TACC1: variants seen among roughly 807,000 people sequenced by gnomAD.
TACC1 encodes transforming acidic coiled-coil containing protein 1.
TACC1 carries 48 observed loss-of-function variants against 84.4 expected under a neutral mutation model. That is an observed-to-expected ratio of 0.57 (90% CI 0.45 to 0.72). TACC1 has a LOEUF of 0.72. Ranked by LOEUF, TACC1 falls within the 30% of genes least tolerant of loss-of-function variation. TACC1 has a pLI of 0.00. For synonymous variants in TACC1, 372 were observed against 376.3 expected (o/e 0.99, Z 0.13); for missense variants, 920 against 973.0 (o/e 0.95, Z 0.72).
At chr8:38,777,042 G>A (rs1324010981) in intron 3 of TACC1, among the ~76,000 whole-genome samples, 1 of 152,104 alleles carries the variant, frequency 6.6e-6, no homozygotes, top group Non-Finnish European at 1.5e-5. Flanking sequence ...GACCACCTGA[G>A]GTCAGGAGTT....
At chr8:38,800,463 G>T (rs1374990305) in intron 2 of TACC1, among the ~76,000 whole-genome samples, 1 of 152,104 alleles carries the variant, frequency 6.6e-6, no homozygotes, top group Non-Finnish European at 1.5e-5. Context: ...TCTAGTTTGT[G>T]TCTCAATAGA....
intron 3 of TACC1, among the ~76,000 whole-genome samples, chr8:38,756,888 A>G (rs1810146520): frequency 6.6e-6 from 1 of 152,176 alleles, no homozygotes; most frequent in Admixed American, 6.5e-5. Flanking sequence ...TTCTCTGAAC[A>G]GCAGCTCCCG....
At chr8:38,731,403 CAG>C (rs1427102422) in intron 1 of TACC1, among the ~76,000 whole-genome samples, 1 of 152,194 alleles carries the variant, frequency 6.6e-6, no homozygotes, top group Non-Finnish European at 1.5e-5. Flanking sequence ...ATGATAATAA[CAG>C]TACCTATTTC....
At chr8:38,788,531 G>A in intron 1 of TACC1, 173 bp from the exon 2 acceptor site, 3 of 535,922 alleles carry the variant, frequency 5.6e-6, no homozygotes, top group Non-Finnish European at 1.0e-5. Flanking sequence ...AACCCAAGGA[G>A]GGCACTGCTC....
At position 38,849,523 on chromosome 8, in the gene TACC1, T is replaced by C. The variant is rs1371280294; in HGVS notation, c.*1500T>C. On this transcript the variant is annotated 3_prime_UTR_variant, in exon 13 of 13. Transcript: ENST00000317827. ...TACGTATGTTTTCCTACTTCTCTTG[T>C]AAAACTGTTGCATGATCCAACTTCA... The C allele has an allele frequency of 2.6e-5, 4 of 152,246 alleles. No individual in the cohort carries two copies. The highest frequency in any genetic ancestry group is 9.6e-5 in the African/African-American group (4 of 41,472). 9.4% of individuals were successfully genotyped at this position (152,246 alleles called of 1,614,324 possible). A position where few individuals can be genotyped will look rare whatever the true frequency, so the allele number is the denominator to read the frequency against.
At chr8:38,776,294 T>C (rs1231301943) in intron 3 of TACC1, among the ~76,000 whole-genome samples, 1 of 152,202 alleles carries the variant, frequency 6.6e-6, no homozygotes, top group East Asian at 1.9e-4. Flanking sequence ...CTCAAGTCAT[T>C]ACGGCAGAAG....
At chr8:38,830,939 T>G (rs1326701813) in intron 5 of TACC1, among the ~76,000 whole-genome samples, 186 bp from the exon 6 acceptor site, 4 of 152,226 alleles carry the variant, frequency 2.6e-5, no homozygotes, top group South Asian at 4.1e-4. Flanking sequence ...GTGCTCCTCT[T>G]CTGAATGTCA....
chr8:38,805,686 G>C (rs996942886), intron 2 of TACC1: 6 of 152,246 alleles, frequency 3.9e-5, no homozygotes, highest in South Asian at 2.1e-4. Flanking sequence ...TGGTTGGTTG[G>C]TTGGTTGGTT....
At chr8:38,742,486 A>G in intron 2 of TACC1, 1 of 1,475,710 alleles carries the variant, frequency 6.8e-7, no homozygotes, top group Non-Finnish European at 9.1e-7. Flanking sequence ...TATACCTGGG[A>G]TGGATTTTAA....
chr8:38,842,443 A>G lies in TACC1; in HGVS notation c.2117A>G (p.Lys706Arg), dbSNP rs768834639. The G allele has an allele frequency of 1.2e-6, 2 of 1,605,476 alleles. No individual in the cohort carries two copies. Among genetic ancestry groups the G allele is most frequent in the East Asian group, 2.2e-5 (1 of 44,808 alleles). Residue 706 changes from lysine to arginine, a missense_variant, in exon 10 of 13, where the codon AAG (lysine) becomes AGG (arginine). Lys to Arg is a conservative substitution (Grantham distance 26). Transcript: ENST00000317827. The part of the protein sequence containing the change: ...ENLKGVLEGF[K>R]KNEEALKKCA... ...CTGAAAGGTGTTCTGGAAGGGTTCA[A>G]GAAGGTAGAGTGTTTTTTCCCTCTG...
At chr8:38,812,975 G>A (rs1824571725) in intron 2 of TACC1, among the ~76,000 whole-genome samples, 1 of 152,192 alleles carries the variant, frequency 6.6e-6, no homozygotes, top group South Asian at 2.1e-4. Flanking sequence ...CTGATGGATA[G>A]GGAGCTGGCT....
rs1405554846 is a variant in TACC1, at chr8:38,852,957, A to AATT, written c.*4940_*4942dup. 1 of 152,648 alleles carries AATT rather than the reference A, an allele frequency of 6.6e-6. No individual in the cohort carries two copies. Among genetic ancestry groups the AATT allele is most frequent in the African/African-American group, 2.4e-5 (1 of 41,452 alleles). The allele number at this position is 152,648 out of a possible 1,614,324, so 9.5% of individuals were successfully genotyped here. A position where few individuals can be genotyped will look rare whatever the true frequency, so the allele number is the denominator to read the frequency against. Reference sequence around the variant, plus strand: ...ACTATTTGTAAAAGTTATACTCACAAATTATTATAATGATTACTAATATAT... The same window carrying AATT: ...ACTATTTGTAAAAGTTATACTCACAAATTATTATTATAATGATTACTAATATAT... On this transcript the variant is annotated 3_prime_UTR_variant, in exon 13 of 13. Transcript: ENST00000317827.
chr8:38,834,991 C>T (rs1829942559), intron 6 of TACC1, among the ~76,000 whole-genome samples: 1 of 152,136 alleles, frequency 6.6e-6, no homozygotes, highest in African/African-American at 2.4e-5. Context: ...CGGTGGCTCA[C>T]GCCTGTAATC....
chr8:38,763,314 A>G (rs1811580693), intron 3 of TACC1, among the ~76,000 whole-genome samples: 2 of 151,732 alleles, frequency 1.3e-5, no homozygotes. Context: ...ATCCCTAGCT[A>G]TTTGTTTAAA....
At chr8:38,802,963 A>G (rs753568595) in intron 2 of TACC1, among the ~76,000 whole-genome samples, 1 of 152,248 alleles carries the variant, frequency 6.6e-6, no homozygotes, top group Non-Finnish European at 1.5e-5. Context: ...TGAGATTTGC[A>G]GGGGACAAAT....
intron 1 of TACC1, among the ~76,000 whole-genome samples, chr8:38,736,322 C>T (rs1587038133): frequency 6.6e-6 from 1 of 152,164 alleles, no homozygotes. Flanking sequence ...CCTGGCTGGG[C>T]ACTGTGGCTC....
intron 3 of TACC1, among the ~76,000 whole-genome samples, chr8:38,820,971 C>T (rs988248720): frequency 3.3e-5 from 5 of 151,894 alleles, no homozygotes; most frequent in African/African-American, 9.7e-5. Flanking sequence ...TTTGGGAGGC[C>T]GAGGCAGGTG....
chr8:38,782,377 T>A (rs886064788), upstream of TACC1, among the ~76,000 whole-genome samples: 1 of 152,170 alleles, frequency 6.6e-6, no homozygotes, highest in Non-Finnish European at 1.5e-5. Context: ...TGCATAGTAT[T>A]CCATGGTGTA....
At chr8:38,765,164 T>C (rs1379224816) in intron 3 of TACC1, among the ~76,000 whole-genome samples, 2 of 91,340 alleles carry the variant, frequency 2.2e-5, no homozygotes, top group Admixed American at 2.0e-4. Context: ...GCTTTGTTTC[T>C]TTTTTTTTTT....
Sources: gnomAD v4.1 joint callset for allele counts (sites outside exome capture counted in the v4.1 genomes callset) on GRCh38, gnomAD v4.1.1 for gene constraint, MANE v1.5 for transcripts, NCBI Gene and HGNC (gene_info 2026-07-23, HGNC 2026-07-21) for gene names.